WDR19: variants seen among roughly 807,000 people sequenced by gnomAD.
The protein encoded by WDR19 is WD repeat-containing protein 19.
In WDR19, 121 loss-of-function variants were observed where a neutral mutation model predicts 180.0. The ratio of observed to expected loss-of-function variants is 0.67; its 90% CI spans 0.58 to 0.78. WDR19 has a LOEUF of 0.78. Among genes scored for constraint, WDR19 ranks in the 30% least tolerant of loss-of-function variants. WDR19 has a pLI of 0.00. For missense variants in WDR19, 1,450 were observed against 1,640.7 expected (o/e 0.88, Z 2.01); for synonymous variants, 497 against 540.7 (o/e 0.92, Z 1.12).
intron 35 of WDR19, 155 bp downstream of exon 35, chr4:39,278,362 G>A: frequency 1.2e-6 from 1 of 850,022 alleles, no homozygotes; most frequent in Non-Finnish European, 1.8e-6. Context: ...TGACCTTTGA[G>A]AATATTATCT....
intron 14 of WDR19, among the ~76,000 whole-genome samples, chr4:39,222,417 A>G (rs2109343472): frequency 6.6e-6 from 1 of 152,232 alleles, no homozygotes; most frequent in Admixed American, 6.5e-5. Flanking sequence ...TTTAATGTTT[A>G]CAAAGTCCAG....
chr4:39,193,217 A>G (rs1452185451), intron 4 of WDR19, among the ~76,000 whole-genome samples: 2 of 147,138 alleles, frequency 1.4e-5, no homozygotes, highest in African/African-American at 5.1e-5. Context: ...GTTGGAGTGC[A>G]GTGGCGCAAT....
At chr4:39,197,195 G>A (rs561587625) in intron 5 of WDR19, among the ~76,000 whole-genome samples, 2 of 152,212 alleles carry the variant, frequency 1.3e-5, no homozygotes, top group South Asian at 2.1e-4. Context: ...TTGGAAGGCC[G>A]AGGCAGGCGG....
At chr4:39,256,136 C>T (rs1733735214) in intron 27 of WDR19, among the ~76,000 whole-genome samples, 176 bp downstream of exon 27, 1 of 152,172 alleles carries the variant, frequency 6.6e-6, no homozygotes. Flanking sequence ...CAGTCACAAC[C>T]TTCCTTCGTA....
chr4:39,265,043 C>T (rs998300480), intron 28 of WDR19, among the ~76,000 whole-genome samples: 5 of 151,706 alleles, frequency 3.3e-5, no homozygotes, highest in African/African-American at 9.7e-5. Context: ...CTCAGCCTCC[C>T]GAGTAGCTGA....
chr4:39,277,168 C>A, intron 34 of WDR19, 25 bp downstream of exon 34: 1 of 1,575,212 alleles, frequency 6.3e-7, no homozygotes, highest in Non-Finnish European at 8.6e-7. Flanking sequence ...AGTAATTTCC[C>A]TTTCTTTGCA....
intron 13 of WDR19, 54 bp from the exon 14 acceptor site, chr4:39,217,929 A>G (rs2109331530): frequency 6.2e-7 from 1 of 1,601,632 alleles, no homozygotes. Flanking sequence ...TAGATGTTGT[A>G]TAGATGGTTT....
At chr4:39,235,459 T>A (rs1254979494) in intron 20 of WDR19, among the ~76,000 whole-genome samples, 1 of 152,156 alleles carries the variant, frequency 6.6e-6, no homozygotes, top group African/African-American at 2.4e-5. Context: ...CATGTGGCCA[T>A]CAACAACTAT....
At chr4:39,218,484 A>T in intron 14 of WDR19, 1 of 169,918 alleles carries the variant, frequency 5.9e-6, no homozygotes, top group Non-Finnish European at 1.3e-5. Context: ...GACAAGGTAC[A>T]GTATATGTGT....
chr4:39,225,842 T>C (rs570721585), intron 15 of WDR19, among the ~76,000 whole-genome samples: 1 of 152,174 alleles, frequency 6.6e-6, no homozygotes, highest in African/African-American at 2.4e-5. Flanking sequence ...TTCCCTTCCC[T>C]TCCTTTCCTT....
chr4:39,256,885 A>G (rs1733812290), intron 27 of WDR19, among the ~76,000 whole-genome samples: 2 of 152,198 alleles, frequency 1.3e-5, no homozygotes, highest in Admixed American at 6.5e-5. Flanking sequence ...TGACACCTTC[A>G]GGATCATCTC....
intron 4 of WDR19, among the ~76,000 whole-genome samples, chr4:39,193,801 G>A (rs1236696328): frequency 6.6e-6 from 1 of 152,208 alleles, no homozygotes. Context: ...ACAGGTAGCT[G>A]GGTGCCACTT....
intron 20 of WDR19, among the ~76,000 whole-genome samples, chr4:39,236,836 A>C (rs4974930): frequency 0.17 from 26,130 of 152,112 alleles, 2,984 homozygotes; most frequent in Non-Finnish European, 0.24. Context: ...TAGTGATCTT[A>C]ATTGCTAGAC....
chr4:39,200,825 G>A (rs973201238), intron 6 of WDR19, among the ~76,000 whole-genome samples: 9 of 152,168 alleles, frequency 5.9e-5, no homozygotes, highest in Non-Finnish European at 1.0e-4. Flanking sequence ...GCTGCTGATC[G>A]TAGGGCCCCA....
Position 39,253,214 on chromosome 4 carries a change from A to G in WDR19, c.2798A>G (p.Asp933Gly). 6.2e-7 allele frequency: 1 copy of G among 1,613,700 alleles called. No homozygotes were observed. Among genetic ancestry groups the G allele is most frequent in the African/African-American group, 1.3e-5 (1 of 75,042 alleles). Residue 933 changes from aspartate (D) to glycine (G), a missense_variant, in exon 25 of 37, where the codon GAT becomes GGT. Asp to Gly is a moderately conservative substitution (Grantham distance 94). Transcript: ENST00000399820. ...CAAAGTGTAATCCGCATCTATCTGGATCACCTCAATAATCCTGAAAAAGCT... is the reference window on the plus strand; with the variant it reads ...CAAAGTGTAATCCGCATCTATCTGGGTCACCTCAATAATCCTGAAAAAGCT... ...QWQSVIRIYL[D>G]HLNNPEKAVN...
chr4:39,228,104 G>A (rs1730465149), intron 15 of WDR19, 106 bp from the exon 16 acceptor site: 1 of 1,234,778 alleles, frequency 8.1e-7, no homozygotes, highest in Non-Finnish European at 1.1e-6. Flanking sequence ...GGTTGAATAT[G>A]ACTCAGTAAG....
intron 31 of WDR19, among the ~76,000 whole-genome samples, chr4:39,270,961 C>G (rs904688689): frequency 2.1e-5 from 3 of 143,922 alleles, no homozygotes; most frequent in African/African-American, 7.8e-5. Context: ...GTGGCCCGAT[C>G]TTGGCTCACT....
rs2109437996 is a variant in WDR19, at chr4:39,253,357, C to G, written c.2876+65C>G. ...AACCATAAAAGTAAGCCTCTGCCTT[C>G]TATCATCAAATATATTAATTCAAAA... is the stretch of plus-strand genomic sequence containing the variant. On this transcript the variant is annotated intron_variant, in intron 25 of 36. Coordinates refer to ENST00000399820, the MANE Select transcript of WDR19 (RefSeq NM_025132.4). 6 of 1,463,644 alleles carry G rather than the reference C, an allele frequency of 4.1e-6. No individual in the cohort carries two copies. The East Asian group carries it at 1.4e-4, about 35-fold the overall frequency. The allele number at this position is 1,463,644 out of a possible 1,614,324, so 90.7% of individuals were successfully genotyped here. A position where few individuals can be genotyped will look rare whatever the true frequency, so the allele number is the denominator to read the frequency against.
At chr4:39,224,804 T>C (rs1360581304) in intron 14 of WDR19, 80 bp from the exon 15 acceptor site, 17 of 1,215,748 alleles carry the variant, frequency 1.4e-5, no homozygotes, top group Admixed American at 3.0e-5. Flanking sequence ...TTAGAACATA[T>C]GTTTAATTTA....
Sources: gnomAD v4.1 joint callset for allele counts (sites outside exome capture counted in the v4.1 genomes callset) on GRCh38, gnomAD v4.1.1 for gene constraint, MANE v1.5 for transcripts, NCBI Gene and HGNC (gene_info 2026-07-23, HGNC 2026-07-21) for gene names.